The following TMEM132E variants were observed in gnomAD, a reference collection of about 807,000 sequenced individuals.
The protein encoded by TMEM132E is transmembrane protein 132E.
A neutral mutation model predicts 78.5 loss-of-function variants in TMEM132E; 49 were observed. That is an observed-to-expected ratio of 0.62 (90% CI 0.50 to 0.79). The LOEUF is 0.79. TMEM132E is among the 30% of genes least tolerant of loss of function. The pLI, the probability that TMEM132E is intolerant of heterozygous loss-of-function variation, is 0.00. For synonymous variants in TMEM132E, 715 were observed against 670.6 expected (o/e 1.07, Z -1.02); for missense variants, 1,403 against 1,470.9 (o/e 0.95, Z 0.75).
Position 34,609,752 on chromosome 17 carries a change from A to T in TMEM132E, c.68-16375A>T, listed in dbSNP as rs539317732. On this transcript the variant is annotated intron_variant, in intron 1 of 8. Coordinates refer to ENST00000631683, the MANE Select transcript of TMEM132E (RefSeq NM_001304438.2). The stretch of plus-strand genomic sequence containing the variant: ...TTTGCAACAGTCTATGTGAAAAATC[A>T]TGACAATAAAAGCTGACCCTGGGAC... Among the ~76,000 whole-genome samples, 17 of 152,354 alleles carry T rather than the reference A, an allele frequency of 1.1e-4. No homozygotes were observed. In the South Asian group the frequency reaches 3.1e-3, roughly 28 times the overall value.
intron 1 of TMEM132E, among the ~76,000 whole-genome samples, chr17:34,624,495 G>A (rs1195619353): frequency 2.6e-5 from 4 of 152,218 alleles, no homozygotes; most frequent in African/African-American, 9.7e-5. Context: ...GGCACATCTT[G>A]GAGGGCTTCA....
At position 34,637,501 on chromosome 17, in the gene TMEM132E, C is replaced by A. The variant is rs751083949; in HGVS notation, c.2494C>A (p.Pro832Thr). ...CTACCCGGGCCCCAGCCAACCAGGG[C>A]CCGGCGGGGGCGAGGACGAGGCCCG... is the stretch of plus-strand genomic sequence containing the variant. ...YDYPGPSQPGPGGGEDEARGA... is the reference protein window; with the variant it reads ...YDYPGPSQPGTGGGEDEARGA... The change falls in exon 9 of 9, where the codon CCC (proline) becomes ACC (threonine). Residue 832 changes from proline to threonine, a missense_variant. Pro to Thr is a conservative substitution (Grantham distance 38). Coordinates refer to ENST00000631683, the MANE Select transcript of TMEM132E (RefSeq NM_001304438.2). 33 of 1,606,816 alleles carry A rather than the reference C, an allele frequency of 2.1e-5. No homozygotes were observed. The highest frequency in any genetic ancestry group is 2.7e-5 in the Non-Finnish European group (32 of 1,177,228).
chr17:34,598,857 T>A (rs1906138827), intron 1 of TMEM132E, among the ~76,000 whole-genome samples: 1 of 151,470 alleles, frequency 6.6e-6, no homozygotes, highest in Non-Finnish European at 1.5e-5. Context: ...GGTGGGGAGG[T>A]GTTGAACTAC....
At chr17:34,599,286 A>T (rs1906155793) in intron 1 of TMEM132E, among the ~76,000 whole-genome samples, 1 of 152,342 alleles carries the variant, frequency 6.6e-6, no homozygotes, top group Admixed American at 6.5e-5. Flanking sequence ...AGAAACCTGC[A>T]TAAGGAACAC....
intron 1 of TMEM132E, among the ~76,000 whole-genome samples, chr17:34,614,077 TG>T (rs1196667312): frequency 6.6e-6 from 1 of 152,190 alleles, no homozygotes; most frequent in African/African-American, 2.4e-5. Flanking sequence ...GCTAGGGTGC[TG>T]GGGGGTGAAG....
intron 1 of TMEM132E, among the ~76,000 whole-genome samples, chr17:34,624,612 AG>A (rs2142077621): frequency 6.6e-6 from 1 of 152,266 alleles, no homozygotes; most frequent in South Asian, 2.1e-4. Flanking sequence ...TGAACAAAGG[AG>A]GGGAGATAAG....
chr17:34,588,464 A>G (rs531107884), intron 1 of TMEM132E, among the ~76,000 whole-genome samples: 2 of 152,348 alleles, frequency 1.3e-5, no homozygotes, highest in African/African-American at 4.8e-5. Context: ...AAATGAATCA[A>G]TGAATGAATC....
At chr17:34,603,883 G>A (rs1318189826) in intron 1 of TMEM132E, among the ~76,000 whole-genome samples, 1 of 152,094 alleles carries the variant, frequency 6.6e-6, no homozygotes, top group Non-Finnish European at 1.5e-5. Flanking sequence ...CTCACTGTGG[G>A]TACCAGCCCC....
At chr17:34,625,128 G>A (rs1239386840) in intron 1 of TMEM132E, among the ~76,000 whole-genome samples, 1 of 152,184 alleles carries the variant, frequency 6.6e-6, no homozygotes, top group Non-Finnish European at 1.5e-5. Flanking sequence ...GAATGCCAGA[G>A]AGGAGGGGAG....
At chr17:34,607,242 C>A (rs1395047780) in intron 1 of TMEM132E, among the ~76,000 whole-genome samples, 1 of 152,136 alleles carries the variant, frequency 6.6e-6, no homozygotes, top group Non-Finnish European at 1.5e-5. Flanking sequence ...AAGCTGCGGA[C>A]CGGGGATACA....
intron 1 of TMEM132E, among the ~76,000 whole-genome samples, chr17:34,605,886 C>T (rs1045065842): frequency 2.0e-5 from 3 of 152,142 alleles, no homozygotes; most frequent in Non-Finnish European, 4.4e-5. Context: ...CCCAATTGTG[C>T]GAGCATGTTT....
intron 1 of TMEM132E, among the ~76,000 whole-genome samples, chr17:34,589,943 G>A (rs1423433940): frequency 6.6e-6 from 1 of 152,242 alleles, no homozygotes; most frequent in East Asian, 1.9e-4. Flanking sequence ...ACACAGCAGA[G>A]AAATGATCTC....
intron 1 of TMEM132E, among the ~76,000 whole-genome samples, chr17:34,592,073 T>G (rs1186622321): frequency 6.6e-6 from 1 of 152,214 alleles, no homozygotes; most frequent in East Asian, 1.9e-4. Context: ...GCCAAAGACT[T>G]CCCGGAGAGC....
intron 1 of TMEM132E, among the ~76,000 whole-genome samples, chr17:34,605,300 G>A (rs1311650700): frequency 2.6e-5 from 4 of 152,160 alleles, no homozygotes; most frequent in Non-Finnish European, 4.4e-5. Context: ...AGCTGGGCCC[G>A]GAAAGGTATT....
chr17:34,635,080 C>G lies in TMEM132E; in HGVS notation c.1970C>G (p.Pro657Arg), dbSNP rs143181955. Residue 657 changes from proline (P) to arginine (R), a missense_variant, in exon 7 of 9, where the codon CCC becomes CGC. Pro to Arg is a moderately radical substitution (Grantham distance 103, BLOSUM62 -2). Transcript: ENST00000631683. Reference protein sequence around the residue: ...TLAGLEPGTTPFKVVSPLTEA... With the variant: ...TLAGLEPGTTRFKVVSPLTEA... ...GCAGGACTGGAGCCAGGCACCACCC[C>G]CTTTAAGGTAGGTATGGGCTCTGTC... 3 of 1,611,774 alleles carry G rather than the reference C, an allele frequency of 1.9e-6. No homozygotes were observed. The highest frequency in any genetic ancestry group is 2.2e-5 in the East Asian group (1 of 44,802).
Position 34,626,905 on chromosome 17 carries a change from G to A in TMEM132E, c.846G>A (p.Arg282=). 2 of 1,613,418 alleles carry A rather than the reference G, an allele frequency of 1.2e-6. No homozygotes were observed. ...GSISLFRPPP[R]RTLQEHRLDS... Reference sequence around the variant, plus strand: ...TCAGCCTGTTCCGCCCGCCCCCCAGGAGGACCCTGCAGGAGCACAGGCTGG... The same window carrying A: ...TCAGCCTGTTCCGCCCGCCCCCCAGAAGGACCCTGCAGGAGCACAGGCTGG... The change falls in exon 2 of 9, where the codon AGG becomes AGA. Residue 282 remains arginine, a synonymous_variant. Transcript: ENST00000631683.
At chr17:34,603,162 C>T (rs1377373387) in intron 1 of TMEM132E, among the ~76,000 whole-genome samples, 1 of 152,104 alleles carries the variant, frequency 6.6e-6, no homozygotes, top group Non-Finnish European at 1.5e-5. Context: ...GGTCAGGTTG[C>T]GAGACAGTGA....
Position 34,627,008 on chromosome 17 carries a change from C to T in TMEM132E, c.949C>T (p.Pro317Ser). 1 of 1,613,796 alleles carries T rather than the reference C, an allele frequency of 6.2e-7. No individual in the cohort carries two copies. The highest frequency in any genetic ancestry group is 8.5e-7 in the Non-Finnish European group (1 of 1,179,988). ...EVLSILLYLAPNSSSPSSPSV... is the reference protein window; with the variant it reads ...EVLSILLYLASNSSSPSSPSV... The stretch of plus-strand genomic sequence containing the variant: ...GCTCAGCATCCTCCTCTATCTGGCC[C>T]CCAACTCCTCCTCGCCCTCCAGCCC... The change falls in exon 2 of 9, where the codon CCC (proline) becomes TCC (serine). Residue 317 changes from proline to serine, a missense_variant. Coordinates refer to ENST00000631683, the MANE Select transcript of TMEM132E (RefSeq NM_001304438.2).
At chr17:34,582,215 G>A (rs1294659591) in intron 1 of TMEM132E, among the ~76,000 whole-genome samples, 4 of 151,950 alleles carry the variant, frequency 2.6e-5, no homozygotes, top group Non-Finnish European at 1.5e-5. Context: ...CAGAATGGAG[G>A]GCGCTTAGAT....
Sources: allele counts gnomAD v4.1 joint callset (sites outside exome capture counted in the v4.1 genomes callset), GRCh38; gene constraint gnomAD v4.1.1; transcripts MANE v1.5; gene names NCBI Gene and HGNC (gene_info 2026-07-23, HGNC 2026-07-21).